Variants in MCF2L observed in about 807,000 individuals in gnomAD.
The protein encoded by MCF2L is guanine nucleotide exchange factor DBS.
Under a neutral mutation model 153.4 loss-of-function variants are expected in MCF2L, and 97 were observed. That is an observed-to-expected ratio of 0.63 (90% CI 0.54 to 0.75). MCF2L has a LOEUF of 0.75. Ranked by LOEUF, MCF2L falls within the 30% of genes least tolerant of loss-of-function variation. MCF2L has a pLI of 0.00. For missense variants in MCF2L, 1,347 were observed against 1,495.2 expected, an observed-to-expected ratio of 0.90 and a Z score of 1.64; for synonymous variants, 659 against 632.2, an observed-to-expected ratio of 1.04 and a Z score of -0.64.
chr13:112,970,918 C>T (rs1378524453), intron 1 of MCF2L, among the ~76,000 whole-genome samples: 1 of 152,162 alleles, frequency 6.6e-6, no homozygotes, highest in Non-Finnish European at 1.5e-5. Context: ...TCCTCCCACA[C>T]ATCTGCATTA....
intron 3 of MCF2L, chr13:113,044,808 C>T: frequency 6.2e-7 from 1 of 1,612,920 alleles, no homozygotes; most frequent in Non-Finnish European, 8.5e-7. Context: ...GGATTTTCTC[C>T]CAGCACCGTA....
chr13:112,942,760 G>T (rs1388469083), intron 2 of MCF2L, among the ~76,000 whole-genome samples: 1 of 152,182 alleles, frequency 6.6e-6, no homozygotes, highest in Non-Finnish European at 1.5e-5. Context: ...AATGTGCAGC[G>T]GGTGCAGGCA....
Position 113,033,327 on chromosome 13 carries a change from G to A in MCF2L, c.278+8569G>A, listed in dbSNP as rs1336199026. 5.3e-3 allele frequency among the ~76,000 whole-genome samples: 587 copies of A among 110,252 alleles called. 105 individuals carry two copies. The highest frequency in any genetic ancestry group is 0.021 in the East Asian group (57 of 2,778). 72.3% of individuals were successfully genotyped at this position (110,252 alleles called of 152,430 possible). ...GTGGCGTGAGTGGCCCCTGTGGCGTGAGTGGCCCCCGTGACATTAGTGGAC... is the reference window on the plus strand; with the variant it reads ...GTGGCGTGAGTGGCCCCTGTGGCGTAAGTGGCCCCCGTGACATTAGTGGAC... On this transcript the variant is annotated intron_variant, in intron 3 of 29. Transcript: ENST00000535094.
chr13:113,064,324 A>G lies in MCF2L; in HGVS notation c.510A>G (p.Val170=). The change falls in exon 6 of 30, where the codon GTA becomes GTG. Residue 170 remains valine (V), a synonymous_variant. Coordinates refer to ENST00000535094, the MANE Select transcript of MCF2L (RefSeq NM_001112732.3). The surrounding 1 kb of genome is among the most constrained non-coding windows in gnomAD (Gnocchi z 6.0). The part of the protein sequence containing the change: ...MKVPVIMLSS[V]PDLHGYIDKS... ...TCCAGGTCATAATGCTGAGCTCCGT[A>G]CCAGACTTACACGGTTACATCGATA... 6.2e-7 allele frequency: 1 copy of G among 1,612,922 alleles called. No homozygotes were observed. Among genetic ancestry groups the G allele is most frequent in the Non-Finnish European group, 8.5e-7 (1 of 1,179,824 alleles).
chr13:112,903,930 G>T (rs1401549935), intron 2 of MCF2L, among the ~76,000 whole-genome samples: 1 of 152,198 alleles, frequency 6.6e-6, no homozygotes, highest in Non-Finnish European at 1.5e-5. Flanking sequence ...TTCAGAAGAG[G>T]GCAGGAGTGA....
chr13:113,084,833 A>C, intron 18 of MCF2L, 59 bp from the exon 19 acceptor site: 8 of 1,322,332 alleles, frequency 6.0e-6, no homozygotes, highest in Non-Finnish European at 8.7e-6. Context: ...CCCGTCCCTC[A>C]CCGCGTGATG....
At chr13:112,981,142 T>C (rs956477353) in intron 1 of MCF2L, among the ~76,000 whole-genome samples, 1 of 151,820 alleles carries the variant, frequency 6.6e-6, no homozygotes, top group African/African-American at 2.4e-5. Flanking sequence ...TCCTGTGCAC[T>C]GGAGACCCTG....
chr13:112,959,622 C>T (rs1040524927), intron 2 of MCF2L, among the ~76,000 whole-genome samples: 2 of 152,124 alleles, frequency 1.3e-5, no homozygotes, highest in Admixed American at 6.5e-5. Flanking sequence ...TGTTTCCATG[C>T]GTTTGACTTC....
rs749797611 is a variant in MCF2L at position 113,045,302 on chromosome 13, G to A, written c.310G>A (p.Val104Met). ...GGACGCTGGCATCGGATTCATCCTG[G>A]TGATAGACCGGCGACGGGACAAATG... is the stretch of plus-strand genomic sequence containing the variant. ...LQDAGIGFIL[V>M]IDRRRDKWTS... The change falls in exon 4 of 30, where the codon GTG (valine) becomes ATG (methionine). Residue 104 changes from valine to methionine, a missense_variant. Val to Met is a conservative substitution (Grantham distance 21). Coordinates refer to ENST00000535094, the MANE Select transcript of MCF2L (RefSeq NM_001112732.3). The surrounding 1 kb of genome is among the most constrained non-coding windows in gnomAD (Gnocchi z 4.2). 15 of 1,614,066 alleles carry A rather than the reference G, an allele frequency of 9.3e-6. No individual in the cohort carries two copies. The highest frequency in any genetic ancestry group is 1.3e-5 in the Non-Finnish European group (15 of 1,180,026).
intron 2 of MCF2L, among the ~76,000 whole-genome samples, chr13:112,937,408 A>C (rs2095719): frequency 0.4 from 60,613 of 152,098 alleles, 12,423 homozygotes; most frequent in East Asian, 0.62. Flanking sequence ...AATTTAGAAC[A>C]TTTTCTTAAT....
rs551195872 is a variant in MCF2L at position 113,097,123 on chromosome 13, C to G, written c.*264C>G. 2 of 332,572 alleles carry G rather than the reference C, an allele frequency of 6.0e-6. No individual in the cohort carries two copies. Among genetic ancestry groups the G allele is most frequent in the Non-Finnish European group, 1.1e-5 (2 of 184,092 alleles). The allele number at this position is 332,572 out of a possible 1,614,324, so 20.6% of individuals were successfully genotyped here. A position where few individuals can be genotyped will look rare whatever the true frequency, so the allele number is the denominator to read the frequency against. ...GGCGGCAGGCGCCGGGCAGCGGCAT[C>G]TCGTCCTGGCTCCACCGTGCTGCTT... On this transcript the variant is annotated 3_prime_UTR_variant, in exon 30 of 30. Transcript: ENST00000535094.
At position 112,951,327 on chromosome 13, in the gene MCF2L, T is replaced by C. The variant is rs1450380176; in HGVS notation, c.169+48956T>C. ...TTTAAAACAAAATATGCAACTCTCATATGACCCAGCAATTGCACTCCTGGG... is the reference window on the plus strand; with the variant it reads ...TTTAAAACAAAATATGCAACTCTCACATGACCCAGCAATTGCACTCCTGGG... On this transcript the variant is annotated intron_variant, in intron 2 of 29. Coordinates refer to the MCF2L transcript ENST00000375608. This position sits in a 1 kb window ranked among gnomAD's most constrained non-coding sequence, Gnocchi z 4.8. 6.6e-6 allele frequency among the ~76,000 whole-genome samples: 1 copy of C among 152,184 alleles called. No homozygotes were observed. Among genetic ancestry groups the C allele is most frequent in the East Asian group, 1.9e-4 (1 of 5,192 alleles).
At position 112,943,491 on chromosome 13, in the gene MCF2L, T is replaced by G. The variant is rs1442521087; in HGVS notation, c.169+41120T>G. Among the ~76,000 whole-genome samples the G allele has an allele frequency of 6.6e-6, 1 of 151,764 alleles. No individual in the cohort carries two copies. Among genetic ancestry groups the G allele is most frequent in the Non-Finnish European group, 1.5e-5 (1 of 67,888 alleles). On this transcript the variant is annotated intron_variant, in intron 2 of 29. Transcript: ENST00000375608. This position sits in a 1 kb window ranked among gnomAD's most constrained non-coding sequence, Gnocchi z 4.2. ...GGCCGGGGCGCGGCGGCCCGGGCTT[T>G]GAGAGACGGGCCGCTCTTCCCGGCG...
chr13:112,912,841 C>T (rs2081247237), intron 2 of MCF2L, among the ~76,000 whole-genome samples: 1 of 144,410 alleles, frequency 6.9e-6, no homozygotes, highest in Admixed American at 6.8e-5. Flanking sequence ...GTGTGTGTGT[C>T]TGTAGTGTAT....
rs139712244 is a variant in MCF2L, at chr13:113,001,803, C to T, written c.80-12960C>T. The T allele has an allele frequency of 1.6e-3, 2,257 of 1,434,820 alleles. 48 individuals carry two copies. In the Admixed American group the frequency reaches 0.037, roughly 24 times the overall value. 88.9% of individuals were successfully genotyped at this position (1,434,820 alleles called of 1,614,324 possible). A position where few individuals can be genotyped will look rare whatever the true frequency, so the allele number is the denominator to read the frequency against. On this transcript the variant is annotated intron_variant, in intron 1 of 29. Coordinates refer to ENST00000535094, the MANE Select transcript of MCF2L (RefSeq NM_001112732.3). ...GCCCAGCAAACCCAGGAAGGTGTGG[C>T]GTCCCCGCTTCGCGGCCAAGATGGT...
At chr13:113,022,827 C>G (rs2084977887) in intron 2 of MCF2L, among the ~76,000 whole-genome samples, 1 of 152,224 alleles carries the variant, frequency 6.6e-6, no homozygotes, top group East Asian at 1.9e-4. Flanking sequence ...CACAGGGCTG[C>G]AGTGTTCACT....
intron 2 of MCF2L, among the ~76,000 whole-genome samples, chr13:112,926,234 A>C (rs79464672): frequency 7.2e-6 from 1 of 138,180 alleles, no homozygotes; most frequent in East Asian, 2.2e-4. Flanking sequence ...GTACGGCCTA[A>C]TCTATATACA....
chr13:113,075,220 C>T (rs1223119860), intron 11 of MCF2L, 31 bp downstream of exon 11: 1 of 1,555,458 alleles, frequency 6.4e-7, no homozygotes, highest in Non-Finnish European at 8.7e-7. Flanking sequence ...CCCCACTCCC[C>T]CCCAGCTGCG....
At chr13:112,999,037 G>T (rs2083255304) in intron 1 of MCF2L, among the ~76,000 whole-genome samples, 1 of 152,196 alleles carries the variant, frequency 6.6e-6, no homozygotes, top group South Asian at 2.1e-4. Flanking sequence ...TGTGGTTCGG[G>T]CCACGTGTTC....
Sources: gnomAD v4.1 joint callset for allele counts (sites outside exome capture counted in the v4.1 genomes callset) on GRCh38, gnomAD v4.1.1 for gene constraint, Gnocchi (gnomAD v3.1) non-coding constraint, MANE v1.5 for transcripts, NCBI Gene and HGNC (gene_info 2026-07-23, HGNC 2026-07-21) for gene names.